Variants in FAM219A observed in about 807,000 individuals in gnomAD.
The protein encoded by FAM219A is protein FAM219A.
A neutral mutation model predicts 23.4 loss-of-function variants in FAM219A; 7 were observed. The observed-to-expected ratio is 0.30, with a 90% confidence interval of 0.17 to 0.56. The LOEUF (loss-of-function observed/expected upper bound fraction) is 0.56. Ranked by LOEUF, FAM219A falls within the 20% of genes least tolerant of loss-of-function variation. The pLI is 0.92. For synonymous variants in FAM219A, 93 were observed against 99.0 expected (o/e 0.94, Z 0.36); for missense variants, 166 against 246.9 (o/e 0.67, Z 2.20).
At chr9:34,419,136 T>C (rs1294289706) in intron 1 of FAM219A, among the ~76,000 whole-genome samples, 1 of 152,162 alleles carries the variant, frequency 6.6e-6, no homozygotes, top group Non-Finnish European at 1.5e-5. Context: ...GTAACTTTTA[T>C]GTTATGCATA....
chr9:34,440,198 C>A (rs1210079952), intron 1 of FAM219A, among the ~76,000 whole-genome samples: 3 of 152,240 alleles, frequency 2.0e-5, no homozygotes, highest in Non-Finnish European at 2.9e-5. Flanking sequence ...TGGTCCCTAG[C>A]TAGCCTCCAC....
At chr9:34,421,018 G>GAGAGAGAA (rs1434182398) in intron 1 of FAM219A, among the ~76,000 whole-genome samples, 3 of 143,648 alleles carry the variant, frequency 2.1e-5, no homozygotes, top group Admixed American at 7.0e-5. Flanking sequence ...GTGAGAGAGA[G>GAGAGAGAA]AGAGAGAGAG....
rs1554676890 is a variant in FAM219A, at chr9:34,416,269, G to GGAA, written c.61-10306_61-10305insTTC. 1.0e-4 allele frequency among the ~76,000 whole-genome samples: 7 copies of GGAA among 69,942 alleles called. No homozygotes were observed. The South Asian group carries it at 1.9e-3, about 19-fold the overall frequency. 45.9% of individuals were successfully genotyped at this position (69,942 alleles called of 152,430 possible). A position where few individuals can be genotyped will look rare whatever the true frequency, so the allele number is the denominator to read the frequency against. On this transcript the variant is annotated intron_variant, in intron 1 of 5. Transcript: ENST00000651358. ...AAAGAAAGAAAGAAAGGGGGAGGGA[G>GGAA]GGAGGGAAGGAAGGAAGGAAGGAAG...
chr9:34,429,684 C>G lies in FAM219A; in HGVS notation c.61-23720G>C, dbSNP rs535679000. ...GGTGGCAGGTTGCAAGCTCCAGACT[C>G]GCTAGTTTTATTTCTGCTTCCATTT... On this transcript the variant is annotated intron_variant, in intron 1 of 5. Coordinates refer to ENST00000651358, the MANE Select transcript of FAM219A (RefSeq NM_001184940.2). Among the ~76,000 whole-genome samples, 3 of 152,170 alleles carry G rather than the reference C, an allele frequency of 2.0e-5. No individual in the cohort carries two copies. The East Asian group carries it at 5.8e-4, about 29-fold the overall frequency.
chr9:34,406,249 T>G, intron 1 of FAM219A: 1 of 973,690 alleles, frequency 1.0e-6, no homozygotes. Flanking sequence ...CCATCATGAT[T>G]TCTTTAAACT....
At chr9:34,403,892 TC>T (rs1433659023) in intron 2 of FAM219A, among the ~76,000 whole-genome samples, 1 of 152,212 alleles carries the variant, frequency 6.6e-6, no homozygotes, top group Non-Finnish European at 1.5e-5. Context: ...TCTTTGACCC[TC>T]TTTCTTTGCC....
rs1821389050 is a variant in FAM219A, at chr9:34,400,785, C to CCATGAA, written c.*173_*178dup. On this transcript the variant is annotated 3_prime_UTR_variant, in exon 6 of 6. Transcript: ENST00000651358. ...AGACCCAGTTTTGGTTTCTCCAGCT[C>CCATGAA]CATGAACACACAGAGGTACACGTCC... 1 of 613,036 alleles carries CCATGAA rather than the reference C, an allele frequency of 1.6e-6. No homozygotes were observed. The highest frequency in any genetic ancestry group is 2.5e-6 in the Non-Finnish European group (1 of 393,758). 38.0% of individuals were successfully genotyped at this position (613,036 alleles called of 1,614,324 possible).
chr9:34,401,111 T>A lies in FAM219A; in HGVS notation c.411A>T (p.Gln137His). The A allele has an allele frequency of 6.2e-7, 1 of 1,613,250 alleles. No homozygotes were observed. Among genetic ancestry groups the A allele is most frequent in the Non-Finnish European group, 8.5e-7 (1 of 1,179,546 alleles). ...SGYSSAEQIN[Q>H]DLNIQLLKDG... is the part of the protein sequence containing the mutation. ...CCTTCAGCAGCTGGATGTTCAAATC[T>A]TGGTTGATCTGCTGTAGGCAAAGGG... The change falls in exon 6 of 6, where the codon CAA (glutamine) becomes CAT (histidine). Residue 137 changes from glutamine to histidine, a missense_variant. By Grantham distance (24) the Gln-to-His change is conservative. Transcript: ENST00000651358.
In FAM219A at chr9:34,458,207, C is replaced by T. The variant is rs1354309449; in HGVS notation, c.57G>A (p.Pro19=). The stretch of plus-strand genomic sequence containing the variant: ...TGCCCGCCGCCCGCCCCCTCACCAG[C>T]GGCTGCATCTCCGAGTGCGCGGTGG... ...QVPTAHSEMQ[P]LDPAAASISD... The change falls in exon 1 of 6, where the codon CCG becomes CCA. Residue 19 remains proline, a synonymous_variant. Coordinates refer to ENST00000651358, the MANE Select transcript of FAM219A (RefSeq NM_001184940.2). The surrounding 1 kb of genome is among the most constrained non-coding windows in gnomAD (Gnocchi z 6.6). 2 of 1,588,352 alleles carry T rather than the reference C, an allele frequency of 1.3e-6. No individual in the cohort carries two copies. Among genetic ancestry groups the T allele is most frequent in the African/African-American group, 1.4e-5 (1 of 73,908 alleles).
intron 1 of FAM219A, among the ~76,000 whole-genome samples, chr9:34,420,366 C>T (rs972248770): frequency 2.0e-5 from 3 of 152,124 alleles, no homozygotes; most frequent in African/African-American, 7.2e-5. Context: ...TGGGCAGGAG[C>T]CAGGTTAAAG....
At chr9:34,432,743 C>A (rs967558586) in intron 1 of FAM219A, among the ~76,000 whole-genome samples, 33 of 152,212 alleles carry the variant, frequency 2.2e-4, no homozygotes, top group African/African-American at 4.1e-4. Flanking sequence ...CCTCCCCCAG[C>A]CTCGTTCTGC....
intron 1 of FAM219A, among the ~76,000 whole-genome samples, chr9:34,418,117 C>T (rs1822101683): frequency 6.6e-6 from 1 of 151,414 alleles, no homozygotes; most frequent in South Asian, 2.1e-4. Flanking sequence ...TATTACCCTA[C>T]CTATTATTTA....
chr9:34,401,744 A>T, intron 4 of FAM219A, 24 bp from the exon 5 acceptor site: 1 of 1,601,562 alleles, frequency 6.2e-7, no homozygotes, highest in Non-Finnish European at 8.5e-7. Context: ...AAAGAGAGGG[A>T]AAGTGATACC....
At chr9:34,433,267 T>C (rs1218194583) in intron 1 of FAM219A, among the ~76,000 whole-genome samples, 1 of 152,252 alleles carries the variant, frequency 6.6e-6, no homozygotes, top group Non-Finnish European at 1.5e-5. Context: ...GGTTGGCTCC[T>C]GTTTTAACCT....
At chr9:34,455,371 G>A (rs1823692291) in intron 1 of FAM219A, among the ~76,000 whole-genome samples, 1 of 152,006 alleles carries the variant, frequency 6.6e-6, no homozygotes, top group Non-Finnish European at 1.5e-5. Context: ...CTAAGTCTGA[G>A]CCTGGGACCC....
intron 1 of FAM219A, among the ~76,000 whole-genome samples, chr9:34,415,394 T>C (rs1821964671): frequency 6.6e-6 from 1 of 152,256 alleles, no homozygotes; most frequent in Admixed American, 6.5e-5. Context: ...GTATCTTTAA[T>C]GGTATCTGTC....
At chr9:34,415,022 G>C (rs1175153553) in intron 1 of FAM219A, among the ~76,000 whole-genome samples, 1 of 152,128 alleles carries the variant, frequency 6.6e-6, no homozygotes, top group Non-Finnish European at 1.5e-5. Context: ...TGCTGTCACA[G>C]CTCACTGTAA....
At chr9:34,437,932 C>A (rs1195120003) in intron 1 of FAM219A, among the ~76,000 whole-genome samples, 2 of 152,308 alleles carry the variant, frequency 1.3e-5, no homozygotes, top group South Asian at 4.1e-4. Flanking sequence ...GAGGGAGAGG[C>A]GCGAGCGGGA....
Position 34,400,900 on chromosome 9 carries a change from G to A in FAM219A, c.*64C>T, listed in dbSNP as rs971223009. On this transcript the variant is annotated 3_prime_UTR_variant, in exon 6 of 6. Transcript: ENST00000651358. ...CAGGCAGACGAGCTGGGAAGGGGTC[G>A]GCCTCTGCCCGTCCTACCCGGCCCT... 32 of 1,436,992 alleles carry A rather than the reference G, an allele frequency of 2.2e-5. No individual in the cohort carries two copies. Among genetic ancestry groups the A allele is most frequent in the Non-Finnish European group, 2.7e-5 (29 of 1,092,744 alleles). The allele number at this position is 1,436,992 out of a possible 1,614,324, so 89.0% of individuals were successfully genotyped here.
Sources: gnomAD v4.1 joint callset for allele counts (sites outside exome capture counted in the v4.1 genomes callset) on GRCh38, gnomAD v4.1.1 for gene constraint, Gnocchi (gnomAD v3.1) non-coding constraint, MANE v1.5 for transcripts, NCBI Gene and HGNC (gene_info 2026-07-23, HGNC 2026-07-21) for gene names.